The following TBC1D15 variants were observed in gnomAD, a reference collection of about 807,000 sequenced individuals.
TBC1D15 encodes GAP for RAB7.
In TBC1D15, 39 loss-of-function variants were observed where a neutral mutation model predicts 95.4. That is an observed-to-expected ratio of 0.41 (90% confidence interval 0.32 to 0.53). The LOEUF (loss-of-function observed/expected upper bound fraction) is 0.53, where lower values mean the gene tolerates loss of function less well. TBC1D15 is among the 20% of genes least tolerant of loss of function. TBC1D15 has a pLI of 0.29. For missense variants in TBC1D15, 733 were observed against 794.3 expected (o/e 0.92, Z 0.93); for synonymous variants, 258 against 261.3 (o/e 0.99, Z 0.12).
chr12:71,922,319 A>G (rs961783060), intron 16 of TBC1D15, among the ~76,000 whole-genome samples: 2 of 152,054 alleles, frequency 1.3e-5, no homozygotes, highest in African/African-American at 4.8e-5. Context: ...TCCTGACTTC[A>G]GGTGATCCAC....
intron 3 of TBC1D15, among the ~76,000 whole-genome samples, chr12:71,878,284 ACT>A (rs1894389894): frequency 6.6e-6 from 1 of 151,880 alleles, no homozygotes; most frequent in Non-Finnish European, 1.5e-5. Flanking sequence ...GTTTTCCAAA[ACT>A]CCAGCCTTTT....
chr12:71,897,900 A>G lies in TBC1D15; in HGVS notation c.1142A>G (p.Glu381Gly). 1.9e-6 allele frequency: 3 copies of G among 1,612,838 alleles called. No individual in the cohort carries two copies. The highest frequency in any genetic ancestry group is 1.7e-4 in the Middle Eastern group (1 of 6,050). ...TGGAAATCCATCAGCCAGGAACAAG[A>G]GAAAAGAAATTCGAGGTTAAGAGAT... is the stretch of plus-strand genomic sequence containing the variant. ...LQWKSISQEQEKRNSRLRDYR... is the reference protein window; with the variant it reads ...LQWKSISQEQGKRNSRLRDYR... Residue 381 changes from glutamate to glycine, a missense_variant, in exon 10 of 17, where the codon GAG (glutamate) becomes GGG (glycine). By Grantham distance (98) the Glu-to-Gly change is moderately conservative (BLOSUM62 -2). Transcript: ENST00000485960.
At chr12:71,899,920 C>G (rs1898973147) in intron 10 of TBC1D15, among the ~76,000 whole-genome samples, 1 of 152,088 alleles carries the variant, frequency 6.6e-6, no homozygotes, top group South Asian at 2.1e-4. Flanking sequence ...GATTGTGCCA[C>G]TACACTCCGG....
At chr12:71,839,935 T>A in intron 1 of TBC1D15, 124 bp downstream of exon 1, 2 of 1,240,534 alleles carry the variant, frequency 1.6e-6, no homozygotes, top group Non-Finnish European at 2.3e-6. Flanking sequence ...GTGGCGTCTG[T>A]AGGAGAAGAC....
intron 3 of TBC1D15, among the ~76,000 whole-genome samples, chr12:71,878,005 C>T (rs902240620): frequency 6.6e-6 from 1 of 152,122 alleles, no homozygotes; most frequent in Admixed American, 6.5e-5. Flanking sequence ...GAGACTCTTC[C>T]TGGGGTGCAT....
intron 14 of TBC1D15, among the ~76,000 whole-genome samples, chr12:71,919,882 T>G (rs1045699844): frequency 2.0e-5 from 3 of 152,196 alleles, no homozygotes; most frequent in African/African-American, 7.2e-5. Context: ...ATAGCTAGAA[T>G]AACTCCTCAA....
chr12:71,847,703 C>A (rs527462940), intron 1 of TBC1D15, among the ~76,000 whole-genome samples: 15 of 150,546 alleles, frequency 1.0e-4, no homozygotes, highest in East Asian at 2.0e-4. Flanking sequence ...GAAAAAAAAA[C>A]CCCACAAATA....
At chr12:71,904,920 G>A (rs1229467721) in intron 10 of TBC1D15, among the ~76,000 whole-genome samples, 1 of 152,190 alleles carries the variant, frequency 6.6e-6, no homozygotes, top group Non-Finnish European at 1.5e-5. Flanking sequence ...CTTGATGTTA[G>A]TGATGGTGAA....
intron 1 of TBC1D15, among the ~76,000 whole-genome samples, chr12:71,841,943 G>A (rs945734241): frequency 1.2e-4 from 19 of 152,130 alleles, no homozygotes; most frequent in African/African-American, 4.6e-4. Flanking sequence ...CTTTAGGAAA[G>A]GGGATGGGGA....
At chr12:71,883,485 A>G (rs1469700032) in intron 4 of TBC1D15, among the ~76,000 whole-genome samples, 2 of 152,202 alleles carry the variant, frequency 1.3e-5, no homozygotes, top group Non-Finnish European at 2.9e-5. Flanking sequence ...TGTCCATGAA[A>G]TAATGATGGC....
intron 3 of TBC1D15, among the ~76,000 whole-genome samples, chr12:71,874,640 T>TTTTA (rs1893399093): frequency 6.7e-6 from 1 of 149,740 alleles, no homozygotes; most frequent in African/African-American, 2.5e-5. Flanking sequence ...TTTTTTTTTT[T>TTTTA]GAGACGGAGT....
intron 1 of TBC1D15, among the ~76,000 whole-genome samples, chr12:71,858,390 A>G (rs750893177): frequency 1.1e-4 from 17 of 151,498 alleles, no homozygotes; most frequent in Non-Finnish European, 2.1e-4. Context: ...TTCTTTATCC[A>G]GTCATCTGTT....
chr12:71,886,893 T>C (rs891509888), intron 5 of TBC1D15, among the ~76,000 whole-genome samples: 3 of 152,318 alleles, frequency 2.0e-5, no homozygotes, highest in East Asian at 1.9e-4. Context: ...GGTGTTGCGA[T>C]GTAACTCACA....
chr12:71,853,560 G>C (rs1888353192), intron 1 of TBC1D15, among the ~76,000 whole-genome samples: 1 of 152,150 alleles, frequency 6.6e-6, no homozygotes, highest in Non-Finnish European at 1.5e-5. Flanking sequence ...AATTGTAATT[G>C]ATTACTTTTT....
intron 13 of TBC1D15, 64 bp downstream of exon 13, chr12:71,917,861 A>G (rs1206148378): frequency 8.8e-7 from 1 of 1,134,254 alleles, no homozygotes; most frequent in Non-Finnish European, 1.3e-6. Context: ...AAAAAATGTA[A>G]AGAACTCTTT....
At chr12:71,854,930 T>C (rs1285777742) in intron 1 of TBC1D15, 1 of 449,562 alleles carries the variant, frequency 2.2e-6, no homozygotes, top group African/African-American at 2.0e-5. Context: ...AGATTTGATT[T>C]AGATCCTATT....
At chr12:71,870,089 A>G (rs1892339894) in intron 1 of TBC1D15, among the ~76,000 whole-genome samples, 1 of 152,152 alleles carries the variant, frequency 6.6e-6, no homozygotes, top group Non-Finnish European at 1.5e-5. Context: ...TATATACATG[A>G]TGATTTTTCT....
In TBC1D15 at chr12:71,854,032, C is replaced by A. The variant is rs370427765; in HGVS notation, c.30+14221C>A. On this transcript the variant is annotated intron_variant, in intron 1 of 16. Transcript: ENST00000485960. ...GTTCTTCTCTTTTCTCTGGTACTTT[C>A]TCCTGTGAACTCTAGCTGTATTGGC... 2.6e-5 allele frequency among the ~76,000 whole-genome samples: 4 copies of A among 152,294 alleles called. No homozygotes were observed. The South Asian group carries it at 8.3e-4, about 32-fold the overall frequency.
intron 1 of TBC1D15, among the ~76,000 whole-genome samples, chr12:71,852,520 T>C (rs980410630): frequency 4.6e-5 from 7 of 152,370 alleles, no homozygotes; most frequent in Admixed American, 3.9e-4. Context: ...TTCTAAACTT[T>C]TATGTCCTGC....
Sources: allele counts gnomAD v4.1 joint callset (sites outside exome capture counted in the v4.1 genomes callset), GRCh38; gene constraint gnomAD v4.1.1; transcripts MANE v1.5; gene names NCBI Gene and HGNC (gene_info 2026-07-23, HGNC 2026-07-21).